The following ZFAND3 variants were observed in gnomAD, a reference collection of about 807,000 sequenced individuals.
The protein encoded by ZFAND3 is zinc finger AN1-type containing 3.
In ZFAND3, 10 loss-of-function variants were observed where a neutral mutation model predicts 29.6. The ratio of observed to expected loss-of-function variants is 0.34; its 90% confidence interval spans 0.21 to 0.57. The LOEUF (loss-of-function observed/expected upper bound fraction) is 0.57. Ranked by LOEUF, ZFAND3 falls within the 20% of genes least tolerant of loss-of-function variation. ZFAND3 has a pLI of 0.86. For missense variants in ZFAND3, 230 were observed against 304.5 expected (o/e 0.76, Z 1.82); for synonymous variants, 128 against 112.6 (o/e 1.14, Z -0.87).
At chr6:38,091,645 A>G (rs1433451224) in intron 4 of ZFAND3, among the ~76,000 whole-genome samples, 3 of 150,046 alleles carry the variant, frequency 2.0e-5, no homozygotes, top group Non-Finnish European at 3.0e-5. Flanking sequence ...ACAAAGCAAC[A>G]TTATAAATCG....
At chr6:37,891,934 G>GC (rs1238080115) in intron 1 of ZFAND3, among the ~76,000 whole-genome samples, 1 of 152,022 alleles carries the variant, frequency 6.6e-6, no homozygotes. Context: ...TCACTGTGTT[G>GC]CCCAGGTTAG....
chr6:38,072,384 C>G (rs1028030092), intron 3 of ZFAND3, among the ~76,000 whole-genome samples: 1 of 152,160 alleles, frequency 6.6e-6, no homozygotes, highest in East Asian at 1.9e-4. Flanking sequence ...TGAGATTATA[C>G]AGTTACTGAT....
chr6:38,064,848 A>C (rs932332035), intron 3 of ZFAND3, among the ~76,000 whole-genome samples: 1 of 152,022 alleles, frequency 6.6e-6, no homozygotes, highest in Non-Finnish European at 1.5e-5. Flanking sequence ...GTTTCTACAG[A>C]TCTAGGGAAA....
chr6:37,983,089 T>C (rs546515275), intron 2 of ZFAND3, among the ~76,000 whole-genome samples: 12 of 152,312 alleles, frequency 7.9e-5, no homozygotes, highest in African/African-American at 2.9e-4. Flanking sequence ...ATAAGCTAAA[T>C]GTTAATACAA....
intron 1 of ZFAND3, among the ~76,000 whole-genome samples, chr6:37,915,284 G>A (rs1761226434): frequency 6.6e-6 from 1 of 152,166 alleles, no homozygotes; most frequent in African/African-American, 2.4e-5. Flanking sequence ...TTGATCTTCT[G>A]TCTTGATACT....
intron 1 of ZFAND3, among the ~76,000 whole-genome samples, chr6:37,837,369 G>A (rs909606062): frequency 6.6e-6 from 1 of 152,142 alleles, no homozygotes; most frequent in African/African-American, 2.4e-5. Context: ...ATTTTGCTGT[G>A]TGTGATTTTC....
chr6:37,843,571 A>G (rs1356025844), intron 1 of ZFAND3, among the ~76,000 whole-genome samples: 2 of 152,142 alleles, frequency 1.3e-5, no homozygotes, highest in African/African-American at 2.4e-5. Context: ...TGAAGCTGAA[A>G]TCAGATCTGA....
intron 2 of ZFAND3, among the ~76,000 whole-genome samples, chr6:38,034,625 T>C (rs919721598): frequency 6.6e-6 from 1 of 152,146 alleles, no homozygotes; most frequent in Admixed American, 6.5e-5. Context: ...GCTTCAAAAT[T>C]AATATTTTAA....
chr6:37,896,514 T>TTCTC (rs1554153803), intron 1 of ZFAND3, among the ~76,000 whole-genome samples: 4 of 109,100 alleles, frequency 3.7e-5, no homozygotes, highest in Non-Finnish European at 5.6e-5. Flanking sequence ...TTCCTCTTTC[T>TTCTC]TTTCTTTCTT....
At chr6:38,080,099 T>G (rs1764632163) in intron 3 of ZFAND3, among the ~76,000 whole-genome samples, 1 of 149,708 alleles carries the variant, frequency 6.7e-6, no homozygotes, top group Non-Finnish European at 1.5e-5. Flanking sequence ...AAATGGGAGT[T>G]GAACAATGAA....
chr6:38,022,208 C>T (rs994184185), intron 2 of ZFAND3, among the ~76,000 whole-genome samples: 6 of 152,316 alleles, frequency 3.9e-5, no homozygotes, highest in Middle Eastern at 3.4e-3. Flanking sequence ...TTTGAATGCA[C>T]ATTAAAATTT....
chr6:38,013,986 A>G (rs540246383), intron 2 of ZFAND3, among the ~76,000 whole-genome samples: 9 of 152,346 alleles, frequency 5.9e-5, no homozygotes, highest in Admixed American at 4.6e-4. Flanking sequence ...TTGATGGCAT[A>G]AGACCTACAG....
chr6:38,045,054 T>TTTTTTTTATTTA (rs374971956), intron 2 of ZFAND3, among the ~76,000 whole-genome samples: 10 of 134,784 alleles, frequency 7.4e-5, no homozygotes, highest in African/African-American at 1.9e-4. Context: ...GTGGAAATTC[T>TTTTTTTTATTTA]TTTATTTATT....
At chr6:37,907,112 C>T (rs1765422580) in intron 1 of ZFAND3, among the ~76,000 whole-genome samples, 1 of 151,816 alleles carries the variant, frequency 6.6e-6, no homozygotes, top group Non-Finnish European at 1.5e-5. Context: ...TGCCTGATTC[C>T]ATGCTTGCAC....
At chr6:38,096,520 G>A (rs192441846) in intron 4 of ZFAND3, among the ~76,000 whole-genome samples, 293 of 152,312 alleles carry the variant, frequency 1.9e-3, no homozygotes, top group Non-Finnish European at 3.3e-3. Flanking sequence ...AGTGAAGTGT[G>A]TATTAGGCAT....
intron 2 of ZFAND3, among the ~76,000 whole-genome samples, chr6:38,034,285 A>G (rs939853351): frequency 1.3e-5 from 2 of 152,164 alleles, no homozygotes; most frequent in African/African-American, 2.4e-5. Flanking sequence ...CAAGAAATGG[A>G]GATGTTAAAA....
chr6:38,119,887 CA>C (rs1196629989), intron 5 of ZFAND3, among the ~76,000 whole-genome samples: 4 of 152,164 alleles, frequency 2.6e-5, no homozygotes, highest in Non-Finnish European at 5.9e-5. Flanking sequence ...TGTTAATTGC[CA>C]AGACACTTCA....
chr6:38,031,680 T>C lies in ZFAND3; in HGVS notation c.113-29913T>C, dbSNP rs149289380. 1.9e-3 allele frequency among the ~76,000 whole-genome samples: 292 copies of C among 152,344 alleles called. 2 individuals carry two copies. The highest frequency in any genetic ancestry group is 6.3e-3 in the African/African-American group (260 of 41,572). ...GCTTCTCCAATTGTAAATGAAGATA[T>C]TAATAATTATAACCGCCTTAAAGTT... On this transcript the variant is annotated intron_variant, in intron 2 of 5. Transcript: ENST00000287218.
At chr6:37,896,442 G>T (rs558005855) in intron 1 of ZFAND3, among the ~76,000 whole-genome samples, 209 of 151,994 alleles carry the variant, frequency 1.4e-3, no homozygotes, top group Non-Finnish European at 6.2e-4. Flanking sequence ...ATTTTGGTTT[G>T]CTAAATTTTG....
Sources: gnomAD v4.1 joint callset for allele counts (sites outside exome capture counted in the v4.1 genomes callset) on GRCh38, gnomAD v4.1.1 for gene constraint, MANE v1.5 for transcripts, NCBI Gene and HGNC (gene_info 2026-07-23, HGNC 2026-07-21) for gene names.